Variants in SNRNP200 observed in about 807,000 individuals in gnomAD.
SNRNP200 encodes U5 small nuclear ribonucleoprotein 200 kDa helicase.
Under a neutral mutation model 255.2 loss-of-function variants are expected in SNRNP200, and 66 were observed. The observed-to-expected ratio is 0.26, with a 90% confidence interval of 0.21 to 0.32. The LOEUF is 0.32. Among genes scored for constraint, SNRNP200 ranks in the 10% least tolerant of loss-of-function variants. The pLI, the probability that SNRNP200 is intolerant of heterozygous loss-of-function variation, is 1.00. For missense variants in SNRNP200, 1,585 were observed against 2,749.8 expected (o/e 0.58, Z 9.47); for synonymous variants, 939 against 1,027.8 (o/e 0.91, Z 1.65).
At chr2:96,304,187 A>T (rs1171498814) in intron 2 of SNRNP200, among the ~76,000 whole-genome samples, 2 of 152,134 alleles carry the variant, frequency 1.3e-5, no homozygotes, top group African/African-American at 4.8e-5. Context: ...CAAGATATTC[A>T]GGATCAAAAG....
chr2:96,285,585 G>A (rs1336792380), intron 29 of SNRNP200, among the ~76,000 whole-genome samples: 1 of 152,212 alleles, frequency 6.6e-6, no homozygotes, highest in African/African-American at 2.4e-5. Context: ...GTCCCCTGGA[G>A]ATGTGTGGGA....
chr2:96,298,161 C>T, intron 9 of SNRNP200, 123 bp downstream of exon 9: 1 of 1,437,448 alleles, frequency 7.0e-7, no homozygotes, highest in Non-Finnish European at 9.7e-7. Context: ...CACTGATAAA[C>T]CCCAAAGAAT....
intron 35 of SNRNP200, among the ~76,000 whole-genome samples, chr2:96,280,947 G>A (rs1012761317): frequency 4.6e-5 from 7 of 151,010 alleles, no homozygotes; most frequent in African/African-American, 1.7e-4. Context: ...CTGCCTCCTG[G>A]GTTCAAGTGA....
In SNRNP200 at chr2:96,302,947, C is replaced by T. The variant is rs183344225; in HGVS notation, c.381+212G>A. ...TATCCACAAACTCTCTAAACCTAGTCCTTTTGGGGTTTTTATGGAGGCTTC... is the reference window on the plus strand; with the variant it reads ...TATCCACAAACTCTCTAAACCTAGTTCTTTTGGGGTTTTTATGGAGGCTTC... On this transcript the variant is annotated intron_variant, in intron 3 of 44. Coordinates refer to ENST00000323853, the MANE Select transcript of SNRNP200 (RefSeq NM_014014.5). Among the ~76,000 whole-genome samples, 713 of 152,224 alleles carry T rather than the reference C, an allele frequency of 4.7e-3. 9 individuals are homozygous for T. The highest frequency in any genetic ancestry group is 6.8e-3 in the Middle Eastern group (2 of 294).
At chr2:96,305,364 C>T in intron 1 of SNRNP200, 29 bp downstream of exon 1, 9 of 1,614,098 alleles carry the variant, frequency 5.6e-6, no homozygotes, top group Non-Finnish European at 7.6e-6. Context: ...ACTCCTGAGC[C>T]TGGAATCCTT....
rs973123824 is a variant in SNRNP200 at position 96,290,930 on chromosome 2, G to A, written c.2422-115C>T. ...TTCTCTCAGGACTAGCCGGTAGGGCGCGTGGGGTCCCAGTACTTGTCAATG... is the reference window on the plus strand; with the variant it reads ...TTCTCTCAGGACTAGCCGGTAGGGCACGTGGGGTCCCAGTACTTGTCAATG... On this transcript the variant is annotated intron_variant, in intron 18 of 44. Coordinates refer to ENST00000323853, the MANE Select transcript of SNRNP200 (RefSeq NM_014014.5). The surrounding 1 kb of genome is among the most constrained non-coding windows in gnomAD (Gnocchi z 4.5). 118 of 1,241,592 alleles carry A rather than the reference G, an allele frequency of 9.5e-5. No individual in the cohort carries two copies. The highest frequency in any genetic ancestry group is 1.3e-4 in the Non-Finnish European group (108 of 859,330). The allele number at this position is 1,241,592 out of a possible 1,614,324, so 76.9% of individuals were successfully genotyped here. A position where few individuals can be genotyped will look rare whatever the true frequency, so the allele number is the denominator to read the frequency against.
intron 30 of SNRNP200, 49 bp from the exon 31 acceptor site, chr2:96,284,634 T>A (rs2063831644): frequency 3.8e-6 from 5 of 1,325,284 alleles, no homozygotes; most frequent in Non-Finnish European, 5.4e-6. Context: ...ATACCAGGCA[T>A]CTTTCACTTA....
rs1383997675 is a variant in SNRNP200 at position 96,290,447 on chromosome 2, C to A, written c.2621G>T (p.Gly874Val). 1 of 1,614,142 alleles carries A rather than the reference C, an allele frequency of 6.2e-7. No homozygotes were observed. The change falls in exon 20 of 45, where the codon GGG becomes GTG. Residue 874 changes from glycine (G) to valine (V), a missense_variant. By Grantham distance (109) the Gly-to-Val change is moderately radical. Coordinates refer to ENST00000323853, the MANE Select transcript of SNRNP200 (RefSeq NM_014014.5). This position sits in a 1 kb window ranked among gnomAD's most constrained non-coding sequence, Gnocchi z 4.5. ...GAGGGACAGGTAGTACTGTAGCTCC[C>A]CATGAGATGTGATGAGTATGCCTTC... ...KGEGILITSH[G>V]ELQYYLSLLN...
chr2:96,295,070 A>G (rs1410727491), intron 14 of SNRNP200, among the ~76,000 whole-genome samples: 2 of 152,096 alleles, frequency 1.3e-5, no homozygotes. Flanking sequence ...TTAGCTGGGC[A>G]TGGTGGCAGG....
At chr2:96,289,478 T>C in intron 21 of SNRNP200, 99 bp from the exon 22 acceptor site, 2 of 1,351,612 alleles carry the variant, frequency 1.5e-6, no homozygotes, top group South Asian at 1.2e-5. Flanking sequence ...TTTGTACTTT[T>C]TTTTTGGTAA....
rs746389113 is a variant in SNRNP200 at position 96,287,871 on chromosome 2, G to A, written c.3357C>T (p.Asp1119=). 1 of 1,614,124 alleles carries A rather than the reference G, an allele frequency of 6.2e-7. No individual in the cohort carries two copies. Among genetic ancestry groups the A allele is most frequent in the Non-Finnish European group, 8.5e-7 (1 of 1,179,944 alleles). The change falls in exon 25 of 45, where the codon GAC becomes GAT. Residue 1119 remains aspartate (D), a synonymous_variant. Coordinates refer to ENST00000323853, the MANE Select transcript of SNRNP200 (RefSeq NM_014014.5). This position sits in a 1 kb window ranked among gnomAD's most constrained non-coding sequence, Gnocchi z 5.7. The part of the protein sequence containing the change: ...DKTLNLCKMI[D]KRMWQSMCPL... ...GCTCACTGGGTCCTTACATGCGTTT[G>A]TCGATCATCTTGCAGAGGTTCAGGG...
In SNRNP200 at chr2:96,286,279, A is replaced by G; in HGVS notation, c.4003+32T>C. 6.2e-7 allele frequency: 1 copy of G among 1,610,576 alleles called. No individual in the cohort carries two copies. Among genetic ancestry groups the G allele is most frequent in the Middle Eastern group, 1.7e-4 (1 of 6,056 alleles). ...GCACATCTGTCTCCCGGTGACTTCA[A>G]AAGCCTCCAGAGGAGGGATGGAAAC... On this transcript the variant is annotated intron_variant, in intron 29 of 44. Coordinates refer to ENST00000323853, the MANE Select transcript of SNRNP200 (RefSeq NM_014014.5). The surrounding 1 kb of genome is among the most constrained non-coding windows in gnomAD (Gnocchi z 4.8).
At position 96,283,560 on chromosome 2, in the gene SNRNP200, A is replaced by G; in HGVS notation, c.4738T>C (p.Cys1580Arg). Residue 1580 changes from cysteine to arginine, a missense_variant, in exon 33 of 45, where the codon TGT becomes CGT. Cys to Arg is a radical substitution (Grantham distance 180, BLOSUM62 -3). Around this residue, in one of 9 missense-constraint regions of SNRNP200, gnomAD observed 719 missense variants for 1,091.1 expected, o/e 0.66. Transcript: ENST00000323853. This position sits in a 1 kb window ranked among gnomAD's most constrained non-coding sequence, Gnocchi z 4.7. Reference protein sequence around the residue: ...RLTAIDILTTCAADIQRQRFL... With the variant: ...RLTAIDILTTRAADIQRQRFL... ...CTCTGCCGTTGGATGTCTGCTGCAC[A>G]GGTGGTGAGGATGTCAATGGCAGTG... The G allele has an allele frequency of 6.2e-7, 1 of 1,614,090 alleles. No individual in the cohort carries two copies. The highest frequency in any genetic ancestry group is 8.5e-7 in the Non-Finnish European group (1 of 1,180,006).
In SNRNP200 at chr2:96,287,904, T is replaced by C. The variant is rs2063853196; in HGVS notation, c.3324A>G (p.Thr1108=). The C allele has an allele frequency of 6.2e-7, 1 of 1,614,244 alleles. No individual in the cohort carries two copies. Among genetic ancestry groups the C allele is most frequent in the African/African-American group, 1.3e-5 (1 of 75,064 alleles). The part of the protein sequence containing the change: ...IVLNRGWAQL[T]DKTLNLCKMI... The stretch of plus-strand genomic sequence containing the variant: ...TCTTGCAGAGGTTCAGGGTCTTGTC[T>C]GTAAGCTGTGCCCAACCTCGGTTCA... Residue 1108 remains threonine, a synonymous_variant, in exon 25 of 45, where the codon ACA becomes ACG. Coordinates refer to ENST00000323853, the MANE Select transcript of SNRNP200 (RefSeq NM_014014.5). This position sits in a 1 kb window ranked among gnomAD's most constrained non-coding sequence, Gnocchi z 5.7.
chr2:96,288,532 C>A, intron 24 of SNRNP200, 131 bp downstream of exon 24: 1 of 793,074 alleles, frequency 1.3e-6, no homozygotes, highest in Non-Finnish European at 2.2e-6. Flanking sequence ...ACCAACTACC[C>A]GGCAAGAGCA....
Position 96,288,975 on chromosome 2 carries a change from TAGA to T in SNRNP200, c.3174+59_3174+61del, listed in dbSNP as rs959106395. The T allele has an allele frequency of 1.2e-5, 18 of 1,462,588 alleles. No individual in the cohort carries two copies. In the African/African-American group the frequency reaches 2.4e-4, roughly 19 times the overall value. The allele number at this position is 1,462,588 out of a possible 1,614,324, so 90.6% of individuals were successfully genotyped here. A position where few individuals can be genotyped will look rare whatever the true frequency, so the allele number is the denominator to read the frequency against. ...GAACCCAAATTCAAGGTTCATCTTT[TAGA>T]AGATTATGAAAACCACTTAATCCTC... On this transcript the variant is annotated intron_variant, in intron 23 of 44. Coordinates refer to ENST00000323853, the MANE Select transcript of SNRNP200 (RefSeq NM_014014.5).
At position 96,279,534 on chromosome 2, in the gene SNRNP200, C is replaced by T; in HGVS notation, c.5050G>A (p.Val1684Met). The T allele has an allele frequency of 1.2e-6, 2 of 1,613,320 alleles. No homozygotes were observed. The highest frequency in any genetic ancestry group is 1.7e-6 in the Non-Finnish European group (2 of 1,179,352). ...TTGGCGTGGCCCACCATCTGAAGCACGTCATAGATGGGGTAATCCACATAG... is the reference window on the plus strand; with the variant it reads ...TTGGCGTGGCCCACCATCTGAAGCATGTCATAGATGGGGTAATCCACATAG... ...HAYVDYPIYD[V>M]LQMVGHANRP... The change falls in exon 36 of 45, where the codon GTG becomes ATG. Residue 1684 changes from valine (V) to methionine (M), a missense_variant. Transcript: ENST00000323853.
rs1684626026 is a variant in SNRNP200, at chr2:96,274,776, T to G, written c.*236A>C. The G allele has an allele frequency of 1.8e-6, 1 of 569,310 alleles. No individual in the cohort carries two copies. The highest frequency in any genetic ancestry group is 1.9e-5 in the African/African-American group (1 of 53,294). The allele number at this position is 569,310 out of a possible 1,614,324, so 35.3% of individuals were successfully genotyped here. On this transcript the variant is annotated 3_prime_UTR_variant, in exon 45 of 45. Transcript: ENST00000323853. ...ATTAGAATGTCAGACTCAAAAGAAC[T>G]ACCAGGAACATGCCTGAAAATGCTA...
rs768081523 is a variant in SNRNP200 at position 96,286,890 on chromosome 2, G to C, written c.3640-13C>G. 4 of 1,614,062 alleles carry C rather than the reference G, an allele frequency of 2.5e-6. No homozygotes were observed. Among genetic ancestry groups the C allele is most frequent in the African/African-American group, 2.7e-5 (2 of 74,924 alleles). On this transcript the variant is annotated splice_polypyrimidine_tract_variant and intron_variant, in intron 27 of 44. Coordinates refer to ENST00000323853, the MANE Select transcript of SNRNP200 (RefSeq NM_014014.5). This position sits in a 1 kb window ranked among gnomAD's most constrained non-coding sequence, Gnocchi z 4.8. ...ATGAACCATGCACCTGCCAACAGGA[G>C]CAAGGGTAAAAGGAATGTGAGTCAA...
Sources: gnomAD v4.1 joint callset for allele counts (sites outside exome capture counted in the v4.1 genomes callset) on GRCh38, gnomAD v4.1.1 for gene constraint, gnomAD v4.1.1 regional missense constraint, Gnocchi (gnomAD v3.1) non-coding constraint, MANE v1.5 for transcripts, NCBI Gene and HGNC (gene_info 2026-07-23, HGNC 2026-07-21) for gene names.